The following CACNA1E variants were observed in gnomAD, a reference collection of about 807,000 sequenced individuals.
CACNA1E encodes voltage-dependent R-type calcium channel subunit alpha-1E.
In CACNA1E, 40 loss-of-function variants were observed where a neutral mutation model predicts 259.2. The ratio of observed to expected loss-of-function variants is 0.15; its 90% CI spans 0.12 to 0.20. The LOEUF (loss-of-function observed/expected upper bound fraction) is 0.20. Among genes scored for constraint, CACNA1E ranks in the 10% least tolerant of loss-of-function variants. CACNA1E has a pLI of 1.00. For synonymous variants in CACNA1E, 1,104 were observed against 1,138.5 expected (o/e 0.97, Z 0.61); for missense variants, 1,874 against 3,040.1 (o/e 0.62, Z 9.02).
At chr1:181,565,264 C>G (rs1376282407) in intron 3 of CACNA1E, among the ~76,000 whole-genome samples, 3 of 152,194 alleles carry the variant, frequency 2.0e-5, no homozygotes, top group Non-Finnish European at 2.9e-5. Context: ...CAAGGAGGTA[C>G]TTTTCAGGGA....
intron 3 of CACNA1E, among the ~76,000 whole-genome samples, chr1:181,567,346 C>T (rs1053697913): frequency 6.6e-6 from 1 of 152,152 alleles, no homozygotes; most frequent in African/African-American, 2.4e-5. Flanking sequence ...GGCTTCTTAT[C>T]TGTTATATAT....
At chr1:181,726,555 G>A (rs1654923386) in intron 18 of CACNA1E, among the ~76,000 whole-genome samples, 2 of 152,172 alleles carry the variant, frequency 1.3e-5, no homozygotes, top group Non-Finnish European at 2.9e-5. Flanking sequence ...GCAAGGTTCA[G>A]TGTGACTGGT....
Position 181,733,678 on chromosome 1 carries a change from A to G in CACNA1E, c.3190A>G (p.Thr1064Ala). Residue 1064 changes from threonine (T) to alanine (A), a missense_variant, in exon 21 of 48, where the codon ACC becomes GCC. Coordinates refer to ENST00000367573, the MANE Select transcript of CACNA1E (RefSeq NM_001205293.3). ...CATCACGGCCAACACGGACAAGGCC[A>G]CCACCGAGAGCACCAGCGTCACCGT... is the stretch of plus-strand genomic sequence containing the variant. ...SCITANTDKATTESTSVTVAI... is the reference protein window; with the variant it reads ...SCITANTDKAATESTSVTVAI... 6.2e-7 allele frequency: 1 copy of G among 1,607,464 alleles called. No homozygotes were observed. Among genetic ancestry groups the G allele is most frequent in the South Asian group, 1.1e-5 (1 of 89,786 alleles).
intron 6 of CACNA1E, among the ~76,000 whole-genome samples, chr1:181,642,114 T>C (rs1657841833): frequency 6.6e-6 from 1 of 152,084 alleles, no homozygotes; most frequent in African/African-American, 2.4e-5. Context: ...GCAGAGTTGA[T>C]TGGAGGTCAG....
intron 1 of CACNA1E, among the ~76,000 whole-genome samples, chr1:181,406,418 A>T (rs558918897): frequency 6.6e-6 from 1 of 151,784 alleles, no homozygotes; most frequent in South Asian, 2.1e-4. Flanking sequence ...TTTTTTTGAG[A>T]TGGAGTCTCG....
At chr1:181,385,069 C>A (rs1275699429) in intron 1 of CACNA1E, among the ~76,000 whole-genome samples, 1 of 152,102 alleles carries the variant, frequency 6.6e-6, no homozygotes, top group African/African-American at 2.4e-5. Flanking sequence ...ACTGTAAATA[C>A]CCTCCCTTCA....
intron 6 of CACNA1E, among the ~76,000 whole-genome samples, chr1:181,628,397 T>C (rs1656398292): frequency 6.6e-6 from 1 of 152,230 alleles, no homozygotes; most frequent in Non-Finnish European, 1.5e-5. Context: ...CAGGAGCTCA[T>C]TGCCAGTGCC....
chr1:181,557,508 C>T (rs570828247), intron 3 of CACNA1E, among the ~76,000 whole-genome samples: 22 of 152,262 alleles, frequency 1.4e-4, no homozygotes, highest in African/African-American at 4.8e-4. Context: ...GTGTCCTGTT[C>T]GCATGCCAAG....
chr1:181,406,465 C>A (rs694473), intron 1 of CACNA1E, among the ~76,000 whole-genome samples: 1 of 151,878 alleles, frequency 6.6e-6, no homozygotes, highest in Non-Finnish European at 1.5e-5. Flanking sequence ...GGCGCGATCT[C>A]GGCTTGCTAT....
intron 1 of CACNA1E, among the ~76,000 whole-genome samples, chr1:181,350,528 A>C (rs571269854): frequency 6.6e-6 from 1 of 152,174 alleles, no homozygotes; most frequent in Non-Finnish European, 1.5e-5. Context: ...ATGGAACCTC[A>C]CAAGGACTCG....
intron 25 of CACNA1E, among the ~76,000 whole-genome samples, chr1:181,749,037 C>T (rs1657359820): frequency 6.6e-6 from 1 of 152,084 alleles, no homozygotes; most frequent in Non-Finnish European, 1.5e-5. Context: ...TTTATAAGGC[C>T]TTGGGTCTAA....
intron 1 of CACNA1E, among the ~76,000 whole-genome samples, chr1:181,330,628 A>G (rs1651187648): frequency 6.6e-6 from 1 of 152,230 alleles, no homozygotes; most frequent in African/African-American, 2.4e-5. Context: ...GCTGAAACAT[A>G]AAGCTGCCCA....
chr1:181,783,668 C>G lies in CACNA1E; in HGVS notation c.5365-11C>G. 1 of 1,402,662 alleles carries G rather than the reference C, an allele frequency of 7.1e-7. No homozygotes were observed. Among genetic ancestry groups the G allele is most frequent in the Non-Finnish European group, 9.7e-7 (1 of 1,032,488 alleles). The allele number at this position is 1,402,662 out of a possible 1,614,324, so 86.9% of individuals were successfully genotyped here. On this transcript the variant is annotated splice_polypyrimidine_tract_variant and intron_variant, in intron 39 of 47. Transcript: ENST00000367573. ...TTTTTGCCTGCTGTTTCTTTTTTCT[C>G]TTTCACACAGAGGTTGGTCCTGATG...
At chr1:181,673,774 C>T (rs1188381046) in intron 7 of CACNA1E, among the ~76,000 whole-genome samples, 1 of 152,060 alleles carries the variant, frequency 6.6e-6, no homozygotes, top group African/African-American at 2.4e-5. Context: ...AACACAGTTT[C>T]CTCCTCCCAA....
At chr1:181,336,578 T>A (rs1651727524) in intron 1 of CACNA1E, among the ~76,000 whole-genome samples, 1 of 152,238 alleles carries the variant, frequency 6.6e-6, no homozygotes, top group South Asian at 2.1e-4. Context: ...ATATATGACA[T>A]AAAATTTATC....
intron 3 of CACNA1E, among the ~76,000 whole-genome samples, chr1:181,518,396 C>T (rs1272465884): frequency 1.3e-5 from 2 of 152,208 alleles, no homozygotes; most frequent in Non-Finnish European, 2.9e-5. Context: ...CTGGGGAGCA[C>T]AGCTGCCACT....
At chr1:181,372,744 A>C (rs893586848) in intron 1 of CACNA1E, among the ~76,000 whole-genome samples, 15 of 151,438 alleles carry the variant, frequency 9.9e-5, no homozygotes, top group African/African-American at 3.6e-4. Flanking sequence ...GGGGGCTCTC[A>C]TTATTTTGAA....
intron 7 of CACNA1E, among the ~76,000 whole-genome samples, chr1:181,654,506 A>G (rs2102081471): frequency 6.6e-6 from 1 of 152,318 alleles, no homozygotes; most frequent in African/African-American, 2.4e-5. Flanking sequence ...GTGTTGAGGC[A>G]GATGCAAGGA....
rs1659500701 is a variant in CACNA1E, at chr1:181,771,420, C to T, written c.4973+36C>T. ...GCGTAACTGTCATAGCTGGGGTTCT[C>T]CTGATGGAGGGAGAGAGAGTTTGTC... On this transcript the variant is annotated intron_variant, in intron 36 of 47. Coordinates refer to ENST00000367573, the MANE Select transcript of CACNA1E (RefSeq NM_001205293.3). 3 of 1,117,356 alleles carry T rather than the reference C, an allele frequency of 2.7e-6. 1 individual carries two copies. The highest frequency in any genetic ancestry group is 2.6e-5 in the South Asian group (2 of 76,526). The allele number at this position is 1,117,356 out of a possible 1,614,324, so 69.2% of individuals were successfully genotyped here.
Sources: gnomAD v4.1 joint callset for allele counts (sites outside exome capture counted in the v4.1 genomes callset) on GRCh38, gnomAD v4.1.1 for gene constraint, MANE v1.5 for transcripts, NCBI Gene and HGNC (gene_info 2026-07-23, HGNC 2026-07-21) for gene names.